The following FSTL5 variants were observed in gnomAD, a reference collection of about 807,000 sequenced individuals.
The protein encoded by FSTL5 is follistatin like 5, also known as follistatin-related protein 5.
A neutral mutation model predicts 89.1 loss-of-function variants in FSTL5; 62 were observed. The observed-to-expected ratio is 0.70, with a 90% CI of 0.57 to 0.86. FSTL5 has a LOEUF of 0.86. Ranked by LOEUF, FSTL5 falls within the 40% of genes least tolerant of loss-of-function variation. The pLI is 0.00. For synonymous variants in FSTL5, 383 were observed against 346.2 expected, an observed-to-expected ratio of 1.11 and a Z score of -1.18; for missense variants, 1,057 against 1,001.6, an observed-to-expected ratio of 1.06 and a Z score of -0.75.
chr4:162,082,241 T>G (rs1042510408), intron 2 of FSTL5, among the ~76,000 whole-genome samples: 4 of 151,564 alleles, frequency 2.6e-5, no homozygotes, highest in African/African-American at 9.7e-5. Flanking sequence ...TTTGAGAGTT[T>G]GCATTTTTCT....
At chr4:161,650,195 C>T (rs1736288476) in intron 7 of FSTL5, among the ~76,000 whole-genome samples, 1 of 152,084 alleles carries the variant, frequency 6.6e-6, no homozygotes, top group African/African-American at 2.4e-5. Context: ...AATGTACAAA[C>T]ATAATAGATA....
chr4:161,638,847 C>T lies in FSTL5; in HGVS notation c.894+17481G>A, dbSNP rs557019799. ...TGGGATGCAAGGCTGGTTCAATATACGCAAATCGATAAATGTAATCCAGCA... is the reference window on the plus strand; with the variant it reads ...TGGGATGCAAGGCTGGTTCAATATATGCAAATCGATAAATGTAATCCAGCA... On this transcript the variant is annotated intron_variant, in intron 7 of 15. Transcript: ENST00000306100. Among the ~76,000 whole-genome samples, 384 of 132,696 alleles carry T rather than the reference C, an allele frequency of 2.9e-3. 1 individual carries two copies. Among genetic ancestry groups the T allele is most frequent in the Non-Finnish European group, 4.5e-3 (281 of 62,888 alleles). The allele number at this position is 132,696 out of a possible 152,430, so 87.1% of individuals were successfully genotyped here. A position where few individuals can be genotyped will look rare whatever the true frequency, so the allele number is the denominator to read the frequency against.
At chr4:161,832,922 G>A (rs577325198) in intron 4 of FSTL5, among the ~76,000 whole-genome samples, 60 of 147,728 alleles carry the variant, frequency 4.1e-4, no homozygotes, top group Non-Finnish European at 7.6e-4. Flanking sequence ...CCTTCTGCTA[G>A]CTTTCGAATG....
chr4:162,083,056 G>A (rs1355972133), intron 2 of FSTL5, among the ~76,000 whole-genome samples: 1 of 151,718 alleles, frequency 6.6e-6, no homozygotes, highest in Non-Finnish European at 1.5e-5. Flanking sequence ...AGTATTTAGT[G>A]CTTACTCAAT....
At chr4:161,667,819 G>GA (rs1277506263) in intron 6 of FSTL5, among the ~76,000 whole-genome samples, 1 of 151,940 alleles carries the variant, frequency 6.6e-6, no homozygotes, top group African/African-American at 2.4e-5. Context: ...CATTAGAGAT[G>GA]AAAAATGCAA....
intron 4 of FSTL5, among the ~76,000 whole-genome samples, chr4:161,783,688 T>TTTCC (rs1741765370): frequency 3.8e-5 from 1 of 26,044 alleles, no homozygotes; most frequent in African/African-American, 1.2e-4. Flanking sequence ...TCTTTCTTTC[T>TTTCC]TTCTTTCTTT....
chr4:162,002,038 G>T (rs2111108124), intron 3 of FSTL5, among the ~76,000 whole-genome samples: 1 of 151,886 alleles, frequency 6.6e-6, no homozygotes, highest in African/African-American at 2.4e-5. Context: ...TGAGTTAAAA[G>T]TTTAGCATTT....
Position 161,980,324 on chromosome 4 carries a change from A to G in FSTL5, c.160+53301T>C, listed in dbSNP as rs143668437. Reference sequence around the variant, plus strand: ...GAAAGGAAAGAAGATAATTTATGGAACTGCATAAATTATCAAGAGACGGAA... The same window carrying G: ...GAAAGGAAAGAAGATAATTTATGGAGCTGCATAAATTATCAAGAGACGGAA... On this transcript the variant is annotated intron_variant, in intron 3 of 15. Coordinates refer to ENST00000306100, the MANE Select transcript of FSTL5 (RefSeq NM_020116.5). Among the ~76,000 whole-genome samples the G allele has an allele frequency of 6.7e-3, 1,024 of 152,146 alleles. 18 individuals are homozygous for G. The highest frequency in any genetic ancestry group is 0.023 in the African/African-American group (958 of 41,546).
chr4:161,473,003 A>G (rs1198256056), intron 13 of FSTL5, among the ~76,000 whole-genome samples: 2 of 152,154 alleles, frequency 1.3e-5, no homozygotes, highest in Non-Finnish European at 2.9e-5. Context: ...GATTATAGCT[A>G]TGAGCCACCG....
intron 8 of FSTL5, among the ~76,000 whole-genome samples, chr4:161,566,714 A>G (rs540180796): frequency 6.6e-6 from 1 of 152,202 alleles, no homozygotes; most frequent in East Asian, 1.9e-4. Flanking sequence ...AGTGATGACT[A>G]ACATATTTTC....
At chr4:161,995,855 C>G (rs180709848) in intron 3 of FSTL5, among the ~76,000 whole-genome samples, 1 of 150,840 alleles carries the variant, frequency 6.6e-6, no homozygotes, top group South Asian at 2.1e-4. Flanking sequence ...TAAGAGAACT[C>G]TCAGGGAGAC....
At chr4:161,628,795 T>G (rs908056782) in intron 7 of FSTL5, among the ~76,000 whole-genome samples, 2 of 152,162 alleles carry the variant, frequency 1.3e-5, no homozygotes, top group African/African-American at 4.8e-5. Flanking sequence ...ATTTCTAATG[T>G]CAAGATTCAG....
intron 3 of FSTL5, among the ~76,000 whole-genome samples, chr4:161,924,684 A>C (rs1418873545): frequency 3.3e-5 from 5 of 151,736 alleles, no homozygotes; most frequent in Non-Finnish European, 7.4e-5. Flanking sequence ...CAAATAACTG[A>C]GGCTGTGTTT....
chr4:161,406,384 C>T lies in FSTL5; in HGVS notation c.1842-19935G>A, dbSNP rs10007889. Among the ~76,000 whole-genome samples, 950 of 152,170 alleles carry T rather than the reference C, an allele frequency of 6.2e-3. 5 individuals carry two copies. The highest frequency in any genetic ancestry group is 0.021 in the African/African-American group (869 of 41,546). ...CATTGTTTATGAAGAAGATACTTTGCGTAATTTCAATCTGTTAAAATTTAT... is the reference window on the plus strand; with the variant it reads ...CATTGTTTATGAAGAAGATACTTTGTGTAATTTCAATCTGTTAAAATTTAT... On this transcript the variant is annotated intron_variant, in intron 15 of 15. Coordinates refer to ENST00000306100, the MANE Select transcript of FSTL5 (RefSeq NM_020116.5).
intron 4 of FSTL5, among the ~76,000 whole-genome samples, chr4:161,824,498 CT>C (rs1730605146): frequency 6.6e-6 from 1 of 151,822 alleles, no homozygotes; most frequent in Non-Finnish European, 1.5e-5. Context: ...TATGTGGGTT[CT>C]TTTTTGGTTT....
At chr4:162,047,148 G>T (rs1738212786) in intron 2 of FSTL5, among the ~76,000 whole-genome samples, 1 of 152,008 alleles carries the variant, frequency 6.6e-6, no homozygotes, top group Non-Finnish European at 1.5e-5. Flanking sequence ...TTCTTCATAA[G>T]GAGATAAACA....
chr4:161,749,617 G>A (rs564780105), intron 6 of FSTL5, among the ~76,000 whole-genome samples: 1 of 151,770 alleles, frequency 6.6e-6, no homozygotes, highest in African/African-American at 2.4e-5. Context: ...CTAACACGGT[G>A]AAACCCCATC....
intron 4 of FSTL5, among the ~76,000 whole-genome samples, chr4:161,889,367 G>A (rs1168803145): frequency 2.0e-5 from 3 of 152,256 alleles, no homozygotes; most frequent in East Asian, 3.9e-4. Flanking sequence ...AATAGGCCAG[G>A]TGTGGTGGCT....
At chr4:161,643,471 GTT>G (rs35607433) in intron 7 of FSTL5, among the ~76,000 whole-genome samples, 28 of 148,402 alleles carry the variant, frequency 1.9e-4, no homozygotes, top group Middle Eastern at 7.0e-3. Flanking sequence ...ATGTAACGGA[GTT>G]TTTTTTTTTT....
Sources: allele counts gnomAD v4.1 joint callset (sites outside exome capture counted in the v4.1 genomes callset), GRCh38; gene constraint gnomAD v4.1.1; transcripts MANE v1.5; gene names NCBI Gene and HGNC (gene_info 2026-07-23, HGNC 2026-07-21).